Variants in CUX1 observed in about 807,000 individuals in gnomAD.
The protein encoded by CUX1 is cut like homeobox 1, also known as protein CASP.
A neutral mutation model predicts 158.8 loss-of-function variants in CUX1; 31 were observed. That is an observed-to-expected ratio of 0.20 (90% CI 0.15 to 0.26). CUX1 has a LOEUF of 0.26. Ranked by LOEUF, CUX1 falls within the 10% of genes least tolerant of loss-of-function variation. The pLI, the probability that CUX1 is intolerant of heterozygous loss-of-function variation, is 1.00. For synonymous variants in CUX1, 879 were observed against 862.1 expected, an observed-to-expected ratio of 1.02 and a Z score of -0.34; for missense variants, 1,589 against 2,014.6, an observed-to-expected ratio of 0.79 and a Z score of 4.04.
chr7:101,866,300 T>TA lies in CUX1; in HGVS notation c.30+48641dup, dbSNP rs531990612. 1.5e-3 allele frequency among the ~76,000 whole-genome samples: 217 copies of TA among 144,972 alleles called. 2 individuals carry two copies. The highest frequency in any genetic ancestry group is 0.013 in the South Asian group (61 of 4,532). The stretch of plus-strand genomic sequence containing the variant: ...AACATGGCGACACCCCATCTCTACT[T>TA]AAAAAAAAAACAAAACAAAAATTAG... On this transcript the variant is annotated intron_variant, in intron 1 of 23. Transcript: ENST00000292535.
At chr7:102,233,835 GAATGCAAGAGCAATGCCA>G (rs1393338537) in intron 21 of CUX1, among the ~76,000 whole-genome samples, 199 bp from the exon 22 acceptor site, 1 of 152,106 alleles carries the variant, frequency 6.6e-6, no homozygotes, top group African/African-American at 2.4e-5. Context: ...TGTGTACGGA[GAATGCAAGAGCAATGCCA>G]ACTCCCTGGC....
intron 3 of CUX1, among the ~76,000 whole-genome samples, chr7:102,041,514 G>A (rs561460190): frequency 1.6e-4 from 25 of 151,558 alleles, no homozygotes; most frequent in South Asian, 1.0e-3. Context: ...TTGGCCTCCC[G>A]AAATGCTGAG....
chr7:102,191,801 C>T (rs1794308830), intron 12 of CUX1, among the ~76,000 whole-genome samples: 1 of 151,792 alleles, frequency 6.6e-6, no homozygotes, highest in Admixed American at 6.6e-5. Context: ...TGCTCCTCCT[C>T]CTCCTCCTCT....
intron 1 of CUX1, among the ~76,000 whole-genome samples, chr7:101,887,679 C>T (rs182301846): frequency 2.2e-4 from 33 of 152,110 alleles, no homozygotes; most frequent in African/African-American, 7.2e-4. Flanking sequence ...GGAGCATTTC[C>T]GTGACCCCAG....
At chr7:102,134,554 G>A (rs1247687732) in intron 8 of CUX1, among the ~76,000 whole-genome samples, 2 of 152,134 alleles carry the variant, frequency 1.3e-5, no homozygotes, top group African/African-American at 2.4e-5. Flanking sequence ...TGTCTTGACC[G>A]GATCCTCCTC....
intron 2 of CUX1, among the ~76,000 whole-genome samples, chr7:101,934,975 A>T (rs904490750): frequency 1.3e-5 from 2 of 152,020 alleles, no homozygotes; most frequent in African/African-American, 4.8e-5. Flanking sequence ...ATAGGAGTGG[A>T]TGGAGGGGAT....
intron 2 of CUX1, among the ~76,000 whole-genome samples, chr7:101,957,868 C>T (rs1270706343): frequency 3.3e-5 from 5 of 152,076 alleles, no homozygotes; most frequent in Non-Finnish European, 7.4e-5. Context: ...CATCTTTAAA[C>T]GGAAACAGTG....
chr7:101,904,578 T>A (rs1175356118), intron 1 of CUX1, among the ~76,000 whole-genome samples: 2 of 151,782 alleles, frequency 1.3e-5, no homozygotes, highest in African/African-American at 2.4e-5. Flanking sequence ...ATTTTTTTTT[T>A]TTTTTTTTCA....
At chr7:102,243,664 AT>A (rs1554535783) in intron 23 of CUX1, among the ~76,000 whole-genome samples, 6 of 147,186 alleles carry the variant, frequency 4.1e-5, no homozygotes, top group Admixed American at 6.8e-5. Context: ...AATAATAATA[AT>A]AATAATAATA....
chr7:102,007,431 C>G (rs544799851), intron 2 of CUX1, among the ~76,000 whole-genome samples: 16 of 152,138 alleles, frequency 1.1e-4, no homozygotes, highest in African/African-American at 3.9e-4. Context: ...CACAGAACCT[C>G]CTCACCTCCC....
rs1275533163 is a variant in CUX1, at chr7:102,249,322, C to A, written c.*280C>A. 4.9e-6 allele frequency: 5 copies of A among 1,022,816 alleles called. No homozygotes were observed. The African/African-American group carries it at 8.6e-5, about 18-fold the overall frequency. The allele number at this position is 1,022,816 out of a possible 1,614,324, so 63.4% of individuals were successfully genotyped here. A position where few individuals can be genotyped will look rare whatever the true frequency, so the allele number is the denominator to read the frequency against. On this transcript the variant is annotated 3_prime_UTR_variant, in exon 24 of 24. Coordinates refer to ENST00000292535, the MANE Select transcript of CUX1 (RefSeq NM_181552.4). ...CCCAGACCCAGCCCGCGGCCTGGAC[C>A]CCTGGACCGCTTTGCGCACTTACCG...
chr7:101,970,489 G>C (rs1811818421), intron 2 of CUX1, among the ~76,000 whole-genome samples: 1 of 152,198 alleles, frequency 6.6e-6, no homozygotes, highest in Non-Finnish European at 1.5e-5. Flanking sequence ...CAGAACCTGA[G>C]CTCGAGGAGT....
Position 101,965,781 on chromosome 7 carries a change from A to G in CUX1, c.141+49556A>G, listed in dbSNP as rs1189478526. Among the ~76,000 whole-genome samples the G allele has an allele frequency of 4.2e-5, 6 of 142,246 alleles. No homozygotes were observed. The South Asian group carries it at 1.2e-3, about 29-fold the overall frequency. 93.3% of individuals were successfully genotyped at this position (142,246 alleles called of 152,430 possible). A position where few individuals can be genotyped will look rare whatever the true frequency, so the allele number is the denominator to read the frequency against. On this transcript the variant is annotated intron_variant, in intron 2 of 23. Coordinates refer to ENST00000292535, the MANE Select transcript of CUX1 (RefSeq NM_181552.4). ...GGAGAATGGCGTGAACCCGGGAGGCAGAGCTTGCAGTGAGCCGAGATCGCA... is the reference window on the plus strand; with the variant it reads ...GGAGAATGGCGTGAACCCGGGAGGCGGAGCTTGCAGTGAGCCGAGATCGCA...
chr7:102,153,594 T>TG (rs1168411855), intron 8 of CUX1: 4 of 152,276 alleles, frequency 2.6e-5, no homozygotes, highest in Non-Finnish European at 5.9e-5. Flanking sequence ...ATCTCAGAGA[T>TG]GGGGGCCATC....
At chr7:101,928,675 C>CTT (rs1238707886) in intron 2 of CUX1, among the ~76,000 whole-genome samples, 2 of 131,508 alleles carry the variant, frequency 1.5e-5, no homozygotes, top group Admixed American at 7.9e-5. Context: ...CACAAATGGA[C>CTT]TTTTTTTTTT....
chr7:102,120,994 TC>T (rs1328975131), intron 8 of CUX1, among the ~76,000 whole-genome samples: 1 of 152,068 alleles, frequency 6.6e-6, no homozygotes, highest in Non-Finnish European at 1.5e-5. Context: ...GCCTGGAAGT[TC>T]CAGCCTGTAG....
intron 1 of CUX1, among the ~76,000 whole-genome samples, chr7:101,900,940 C>T (rs1360031463): frequency 6.6e-6 from 1 of 152,198 alleles, no homozygotes; most frequent in Non-Finnish European, 1.5e-5. Flanking sequence ...AAGAATCTAA[C>T]AATGATAACT....
chr7:102,210,834 G>C (rs1182334835), intron 20 of CUX1, among the ~76,000 whole-genome samples: 1 of 152,114 alleles, frequency 6.6e-6, no homozygotes, highest in East Asian at 1.9e-4. Flanking sequence ...CGGGGCCGTG[G>C]GCTGTCCATG....
intron 8 of CUX1, among the ~76,000 whole-genome samples, chr7:102,150,938 A>G (rs1260196800): frequency 8.5e-5 from 13 of 152,236 alleles, no homozygotes; most frequent in Admixed American, 8.5e-4. Context: ...TTTATAATAA[A>G]TCATTTTGCT....
Sources: gnomAD v4.1 joint callset for allele counts (sites outside exome capture counted in the v4.1 genomes callset) on GRCh38, gnomAD v4.1.1 for gene constraint, MANE v1.5 for transcripts, NCBI Gene and HGNC (gene_info 2026-07-23, HGNC 2026-07-21) for gene names.